POLR2D: variants seen among roughly 807,000 people sequenced by gnomAD.
POLR2D encodes RNA polymerase II subunit D.
Under a neutral mutation model 17.6 loss-of-function variants are expected in POLR2D, and 10 were observed. That is an observed-to-expected ratio of 0.57 (90% CI 0.35 to 0.96). The LOEUF (loss-of-function observed/expected upper bound fraction) is 0.96. POLR2D is among the 40% of genes least tolerant of loss of function. The probability of loss-of-function intolerance (pLI) is 0.02; values close to 1 mark genes in which losing one functional copy is unlikely to be tolerated. For synonymous variants in POLR2D, 52 were observed against 60.2 expected, an observed-to-expected ratio of 0.86 and a Z score of 0.63; for missense variants, 126 against 176.4, an observed-to-expected ratio of 0.71 and a Z score of 1.62.
In POLR2D at chr2:127,855,348, G is replaced by C. The variant is rs561138127; in HGVS notation, c.74-2243C>G. On this transcript the variant is annotated intron_variant, in intron 1 of 3. Transcript: ENST00000272645. ...GTGGAGGTTGCAGTGAGCCGAGATTGTGCCACTGCACTCCAGCCTAAGGCA... is the reference window on the plus strand; with the variant it reads ...GTGGAGGTTGCAGTGAGCCGAGATTCTGCCACTGCACTCCAGCCTAAGGCA... Among the ~76,000 whole-genome samples, 3 of 140,666 alleles carry C rather than the reference G, an allele frequency of 2.1e-5. No homozygotes were observed. In the South Asian group the frequency reaches 6.9e-4, roughly 32 times the overall value. The allele number at this position is 140,666 out of a possible 152,430, so 92.3% of individuals were successfully genotyped here. A position where few individuals can be genotyped will look rare whatever the true frequency, so the allele number is the denominator to read the frequency against.
intron 3 of POLR2D, among the ~76,000 whole-genome samples, chr2:127,848,419 C>CT (rs1209193162): frequency 1.6e-4 from 24 of 147,032 alleles, no homozygotes; most frequent in Admixed American, 2.0e-4. Context: ...TTTTTTTTTT[C>CT]TTTTTTTTGA....
chr2:127,850,568 A>G, intron 3 of POLR2D, 22 bp downstream of exon 3: 5 of 1,054,298 alleles, frequency 4.7e-6, no homozygotes, highest in Non-Finnish European at 7.2e-6. Flanking sequence ...TATACAGAGA[A>G]CTTATCACAA....
At chr2:127,856,139 CCAG>C in intron 1 of POLR2D, among the ~76,000 whole-genome samples, 1 of 150,470 alleles carries the variant, frequency 6.6e-6, no homozygotes, top group East Asian at 2.0e-4. Context: ...CAAAAATTAG[CCAG>C]GAGTGGTGGC....
Position 127,848,093 on chromosome 2 carries a change from G to C in POLR2D, c.*14C>G, listed in dbSNP as rs1690184638. 1 of 1,563,496 alleles carries C rather than the reference G, an allele frequency of 6.4e-7. No homozygotes were observed. Among genetic ancestry groups the C allele is most frequent in the South Asian group, 1.1e-5 (1 of 90,082 alleles). On this transcript the variant is annotated 3_prime_UTR_variant, in exon 4 of 4. Coordinates refer to ENST00000272645, the MANE Select transcript of POLR2D (RefSeq NM_004805.4). ...GGGGATGTGGTTTCTCCGAGCAGCA[G>C]TGATGTTTGGAGATTAATACTGAAA...
At chr2:127,848,731 C>T (rs948320339) in intron 3 of POLR2D, among the ~76,000 whole-genome samples, 3 of 152,108 alleles carry the variant, frequency 2.0e-5, no homozygotes, top group Non-Finnish European at 2.9e-5. Context: ...TTATCCAGGA[C>T]GGTCTCGATC....
In POLR2D at chr2:127,852,764, C is replaced by A. The variant is rs1297039498; in HGVS notation, c.254+161G>T. 6.6e-6 allele frequency among the ~76,000 whole-genome samples: 1 copy of A among 152,214 alleles called. No homozygotes were observed. Among genetic ancestry groups the A allele is most frequent in the Non-Finnish European group, 1.5e-5 (1 of 68,042 alleles). On this transcript the variant is annotated intron_variant, in intron 2 of 3. Transcript: ENST00000272645. This position sits in a 1 kb window ranked among gnomAD's most constrained non-coding sequence, Gnocchi z 4.0. ...TGAACACCTGGCCTCAAGTGATCTG[C>A]TGCCTCAACCTTCCAAAGTGCTGGG...
rs906451792 is a variant in POLR2D, at chr2:127,852,225, T to A, written c.254+700A>T. Among the ~76,000 whole-genome samples the A allele has an allele frequency of 6.6e-6, 1 of 152,142 alleles. No individual in the cohort carries two copies. The highest frequency in any genetic ancestry group is 1.5e-5 in the Non-Finnish European group (1 of 68,036). On this transcript the variant is annotated intron_variant, in intron 2 of 3. Transcript: ENST00000272645. The surrounding 1 kb of genome is among the most constrained non-coding windows in gnomAD (Gnocchi z 4.0). The stretch of plus-strand genomic sequence containing the variant: ...AGTTACTTCCCCACTAACAGTACCA[T>A]TTAGATCACACATACTGGACTTACA...
intron 1 of POLR2D, among the ~76,000 whole-genome samples, chr2:127,853,387 C>A (rs1690279971): frequency 6.6e-6 from 1 of 152,136 alleles, no homozygotes; most frequent in African/African-American, 2.4e-5. Context: ...ACCACCCACC[C>A]CCTCAACTAG....
chr2:127,855,579 G>T (rs1164489232), intron 1 of POLR2D, among the ~76,000 whole-genome samples: 2 of 152,162 alleles, frequency 1.3e-5, no homozygotes, highest in Non-Finnish European at 2.9e-5. Flanking sequence ...ACCAAGGAAG[G>T]TCGAGGCAGC....
rs1690181488 is a variant in POLR2D at position 127,847,863 on chromosome 2, T to C, written c.*244A>G. 1 of 523,214 alleles carries C rather than the reference T, an allele frequency of 1.9e-6. No individual in the cohort carries two copies. Among genetic ancestry groups the C allele is most frequent in the Non-Finnish European group, 3.4e-6 (1 of 292,008 alleles). 32.4% of individuals were successfully genotyped at this position (523,214 alleles called of 1,614,324 possible). The stretch of plus-strand genomic sequence containing the variant: ...GTTATGTGACCCCTCATCTCACACT[T>C]CGCAGAGGCACGTTCAGGAAGCCAC... On this transcript the variant is annotated 3_prime_UTR_variant, in exon 4 of 4. Coordinates refer to ENST00000272645, the MANE Select transcript of POLR2D (RefSeq NM_004805.4).
rs1332393892 is a variant in POLR2D, at chr2:127,852,897, T to G, written c.254+28A>C. Reference sequence around the variant, plus strand: ...ACATGCAGTTGTCCAATGGTTTGGATTAATAAAAACTTTCTTTTAGCACTC... The same window carrying G: ...ACATGCAGTTGTCCAATGGTTTGGAGTAATAAAAACTTTCTTTTAGCACTC... On this transcript the variant is annotated intron_variant, in intron 2 of 3. Transcript: ENST00000272645. This position sits in a 1 kb window ranked among gnomAD's most constrained non-coding sequence, Gnocchi z 4.0. 1 of 1,546,534 alleles carries G rather than the reference T, an allele frequency of 6.5e-7. No individual in the cohort carries two copies. Among genetic ancestry groups the G allele is most frequent in the Non-Finnish European group, 8.9e-7 (1 of 1,123,448 alleles).
intron 2 of POLR2D, 76 bp from the exon 3 acceptor site, chr2:127,850,761 GA>G: frequency 6.8e-6 from 5 of 737,472 alleles, no homozygotes; most frequent in Non-Finnish European, 1.2e-5. Context: ...TAATCAACAG[GA>G]AAAAAGGGAT....
Position 127,852,979 on chromosome 2 carries a change from T to C in POLR2D, c.200A>G (p.Tyr67Cys), listed in dbSNP as rs142734461. The C allele has an allele frequency of 1.4e-4, 221 of 1,614,052 alleles. 1 individual carries two copies. The Middle Eastern group carries it at 4.8e-3, about 35-fold the overall frequency. Residue 67 changes from tyrosine to cysteine, a missense_variant, in exon 2 of 4, where the codon TAC (tyrosine) becomes TGC (cysteine). By Grantham distance (194) the Tyr-to-Cys change is radical. This residue lies in a region of POLR2D where 85 missense variants were observed against 151.4 expected (regional missense o/e 0.56). Transcript: ENST00000272645. This position sits in a 1 kb window ranked among gnomAD's most constrained non-coding sequence, Gnocchi z 4.0. ...LSEVFMKTLNYTARFSRFKNR... is the reference protein window; with the variant it reads ...LSEVFMKTLNCTARFSRFKNR... ...TTTGAAACGACTGAAACGGGCTGTG[T>C]AGTTTAATGTTTTCATGAAGACTTC... is the stretch of plus-strand genomic sequence containing the variant.
intron 3 of POLR2D, 98 bp from the exon 4 acceptor site, chr2:127,848,283 C>A: frequency 1.5e-6 from 1 of 669,256 alleles, no homozygotes; most frequent in Non-Finnish European, 2.6e-6. Context: ...TCTCTAACAC[C>A]TTTACCTTTC....
intron 1 of POLR2D, among the ~76,000 whole-genome samples, chr2:127,855,246 A>G (rs1690309247): frequency 6.6e-6 from 1 of 151,950 alleles, no homozygotes; most frequent in Non-Finnish European, 1.5e-5. Flanking sequence ...TACAAAAATT[A>G]GTCGGGAGTG....
Position 127,844,126 on chromosome 2 carries a change from AGC to A in POLR2D, c.*3979_*3980del. 2 of 148,932 alleles carry A rather than the reference AGC, an allele frequency of 1.3e-5. No homozygotes were observed. Among genetic ancestry groups the A allele is most frequent in the Admixed American group, 6.7e-5 (1 of 14,902 alleles). 9.2% of individuals were successfully genotyped at this position (148,932 alleles called of 1,614,324 possible). ...TGTATCCAAAAAAAAAAAAAAAAAAAGCCTGGTCCTTCCATCCCTTCTACCAT... is the reference window on the plus strand; with the variant it reads ...TGTATCCAAAAAAAAAAAAAAAAAAACTGGTCCTTCCATCCCTTCTACCAT... On this transcript the variant is annotated 3_prime_UTR_variant, in exon 4 of 4. Transcript: ENST00000272645.
chr2:127,855,001 C>CAA (rs58280789), intron 1 of POLR2D, among the ~76,000 whole-genome samples: 9,066 of 70,676 alleles, frequency 0.13, 403 homozygotes, highest in Middle Eastern at 0.25. Context: ...GACATCAGGC[C>CAA]AAAAAAAAAA....
intron 1 of POLR2D, 112 bp downstream of exon 1, chr2:127,857,916 G>C (rs1035986254): frequency 1.8e-5 from 26 of 1,443,880 alleles, no homozygotes; most frequent in Non-Finnish European, 2.3e-5. Context: ...CGCCGCGCTG[G>C]GGCTTGCCCA....
chr2:127,847,798 G>A lies in POLR2D; in HGVS notation c.*309C>T. The A allele has an allele frequency of 2.9e-6, 1 of 350,624 alleles. No individual in the cohort carries two copies. The highest frequency in any genetic ancestry group is 6.9e-5 in the East Asian group (1 of 14,552). 21.7% of individuals were successfully genotyped at this position (350,624 alleles called of 1,614,324 possible). On this transcript the variant is annotated 3_prime_UTR_variant, in exon 4 of 4. Coordinates refer to ENST00000272645, the MANE Select transcript of POLR2D (RefSeq NM_004805.4). ...ATGAAATATTAAGAAAAAAGATGATGTGGAGGCCAAAAACCAGGAATGAGG... is the reference window on the plus strand; with the variant it reads ...ATGAAATATTAAGAAAAAAGATGATATGGAGGCCAAAAACCAGGAATGAGG...
Sources: allele counts gnomAD v4.1 joint callset (sites outside exome capture counted in the v4.1 genomes callset), GRCh38; gene constraint gnomAD v4.1.1; regional missense constraint gnomAD v4.1.1; non-coding constraint Gnocchi (gnomAD v3.1); transcripts MANE v1.5; gene names NCBI Gene and HGNC (gene_info 2026-07-23, HGNC 2026-07-21).